Variants in ANKS1A observed in about 807,000 individuals in gnomAD.
ANKS1A encodes the protein ankyrin repeat and SAM domain-containing protein 1A.
ANKS1A carries 55 observed loss-of-function variants against 120.3 expected under a neutral mutation model. The ratio of observed to expected loss-of-function variants is 0.46; its 90% CI spans 0.37 to 0.57. The LOEUF is 0.57. ANKS1A is among the 20% of genes least tolerant of loss of function. The pLI is 0.00. For synonymous variants in ANKS1A, 590 were observed against 604.7 expected (o/e 0.98, Z 0.36); for missense variants, 1,123 against 1,480.3 (o/e 0.76, Z 3.96).
Position 35,089,955 on chromosome 6 carries a change from G to A in ANKS1A, c.*1346G>A. 8.6e-7 allele frequency: 1 copy of A among 1,166,852 alleles called. No homozygotes were observed. The highest frequency in any genetic ancestry group is 1.1e-6 in the Non-Finnish European group (1 of 929,472). The allele number at this position is 1,166,852 out of a possible 1,614,324, so 72.3% of individuals were successfully genotyped here. On this transcript the variant is annotated 3_prime_UTR_variant, in exon 24 of 24. Transcript: ENST00000360359. Reference sequence around the variant, plus strand: ...ACACTCCTCTTTCCCAGCCAGCAAAGGCTGTGAATTTGAATTCTTTGTTGG... The same window carrying A: ...ACACTCCTCTTTCCCAGCCAGCAAAAGCTGTGAATTTGAATTCTTTGTTGG...
At chr6:35,071,718 C>G (rs895576672) in intron 13 of ANKS1A, among the ~76,000 whole-genome samples, 1 of 152,260 alleles carries the variant, frequency 6.6e-6, no homozygotes, top group African/African-American at 2.4e-5. Flanking sequence ...CCAGTCAGAA[C>G]TTCTCTGCGG....
chr6:34,945,563 T>C (rs926937267), intron 1 of ANKS1A, among the ~76,000 whole-genome samples: 5 of 152,328 alleles, frequency 3.3e-5, no homozygotes, highest in East Asian at 3.9e-4. Context: ...CTTTCTGGGC[T>C]CTCTATTCTG....
chr6:35,029,638 C>T (rs796855516), intron 11 of ANKS1A, among the ~76,000 whole-genome samples: 9 of 151,520 alleles, frequency 5.9e-5, no homozygotes, highest in African/African-American at 2.2e-4. Flanking sequence ...GCGTGAGCCA[C>T]GGCGCCCAGT....
At chr6:34,914,168 G>A (rs1336479949) in intron 1 of ANKS1A, among the ~76,000 whole-genome samples, 1 of 129,342 alleles carries the variant, frequency 7.7e-6, no homozygotes. Context: ...TGATCTGCCC[G>A]CCTTGGCCTC....
chr6:34,957,974 G>T (rs1202063430), intron 1 of ANKS1A, among the ~76,000 whole-genome samples: 1 of 152,076 alleles, frequency 6.6e-6, no homozygotes, highest in Non-Finnish European at 1.5e-5. Context: ...GTCAAGTATG[G>T]GTACCATGCA....
chr6:35,021,176 C>A (rs1017085091), intron 11 of ANKS1A, among the ~76,000 whole-genome samples: 1 of 152,260 alleles, frequency 6.6e-6, no homozygotes, highest in Non-Finnish European at 1.5e-5. Context: ...TGCTCCCCAC[C>A]CTATCCCTGA....
intron 11 of ANKS1A, among the ~76,000 whole-genome samples, chr6:35,043,883 G>A (rs1162107344): frequency 6.6e-6 from 1 of 152,164 alleles, no homozygotes; most frequent in Admixed American, 6.5e-5. Context: ...GACCACTTGT[G>A]AAGCAATCTG....
intron 1 of ANKS1A, among the ~76,000 whole-genome samples, chr6:34,937,419 C>T (rs1225392750): frequency 1.3e-5 from 2 of 151,850 alleles, no homozygotes; most frequent in Non-Finnish European, 2.9e-5. Context: ...AAGACTGTTT[C>T]CTCATCTGGT....
chr6:35,096,377 G>A (rs1489650730), downstream of ANKS1A, among the ~76,000 whole-genome samples: 1 of 152,186 alleles, frequency 6.6e-6, no homozygotes. Flanking sequence ...TGAGTGCTCT[G>A]GTTTCTACAG....
intron 1 of ANKS1A, among the ~76,000 whole-genome samples, chr6:34,938,963 G>C (rs1769397934): frequency 6.6e-6 from 1 of 152,202 alleles, no homozygotes; most frequent in Non-Finnish European, 1.5e-5. Context: ...GCTCCAGCCT[G>C]GGCGACAGAG....
intron 1 of ANKS1A, among the ~76,000 whole-genome samples, chr6:34,924,090 CGTGTGTGTGTGTGTGTGT>C (rs71794086): frequency 3.5e-5 from 5 of 143,248 alleles, no homozygotes; most frequent in Admixed American, 7.0e-5. Flanking sequence ...GGGGCTTTTT[CGTGTGTGTGTGTGTGTGT>C]GTGTGTGTGT....
Position 34,981,960 on chromosome 6 carries a change from G to A in ANKS1A, c.706G>A (p.Asp236Asn), listed in dbSNP as rs745503614. 6 of 1,614,164 alleles carry A rather than the reference G, an allele frequency of 3.7e-6. No individual in the cohort carries two copies. Among genetic ancestry groups the A allele is most frequent in the African/African-American group, 1.3e-5 (1 of 75,056 alleles). The change falls in exon 4 of 24, where the codon GAT becomes AAT. Residue 236 changes from aspartate to asparagine, a missense_variant. Coordinates refer to ENST00000360359, the MANE Select transcript of ANKS1A (RefSeq NM_015245.3). ...CAAAGCCGTGGTCCAGGTCCTCCTC[G>A]ATGCTGGCATGGACAGCAACTACCA... ...GHKAVVQVLL[D>N]AGMDSNYQTE...
At chr6:34,914,143 G>A (rs530312180) in intron 1 of ANKS1A, among the ~76,000 whole-genome samples, 10 of 130,558 alleles carry the variant, frequency 7.7e-5, no homozygotes, top group Non-Finnish European at 1.4e-4. Flanking sequence ...GGATGGTCTC[G>A]ATCTCCTGAC....
rs974305876 is a variant in ANKS1A at position 34,889,321 on chromosome 6, G to A, written c.-82G>A. The A allele has an allele frequency of 4.9e-6, 6 of 1,226,668 alleles. No homozygotes were observed. The South Asian group carries it at 1.2e-4, about 24-fold the overall frequency. The allele number at this position is 1,226,668 out of a possible 1,614,324, so 76.0% of individuals were successfully genotyped here. A position where few individuals can be genotyped will look rare whatever the true frequency, so the allele number is the denominator to read the frequency against. ...CCCCAGCCGGTTTGGGGGGTGCGTT[G>A]CCCGGAGACGGAAAGTTTGGGAGCC... is the stretch of plus-strand genomic sequence containing the variant. On this transcript the variant is annotated 5_prime_UTR_variant, in exon 1 of 24. Transcript: ENST00000360359. The surrounding 1 kb of genome is among the most constrained non-coding windows in gnomAD (Gnocchi z 5.5).
intron 9 of ANKS1A, among the ~76,000 whole-genome samples, chr6:34,991,585 C>T (rs79812058): frequency 0.72 from 97,767 of 136,282 alleles, 35,521 homozygotes; most frequent in Non-Finnish European, 0.82. Context: ...CACACATATA[C>T]ACATATATAT....
At chr6:34,981,571 C>A in intron 3 of ANKS1A, 119 bp from the exon 4 acceptor site, 3 of 1,103,722 alleles carry the variant, frequency 2.7e-6, no homozygotes, top group East Asian at 2.5e-5. Context: ...TTTTATTAGC[C>A]CCCAAGTGTT....
intron 11 of ANKS1A, among the ~76,000 whole-genome samples, chr6:35,023,191 C>T (rs1880090): frequency 0.63 from 96,411 of 151,986 alleles, 34,044 homozygotes; most frequent in East Asian, 0.86. Context: ...CCCTTCTGAC[C>T]TAAGGCTCCT....
intron 13 of ANKS1A, among the ~76,000 whole-genome samples, chr6:35,075,454 C>T (rs1777300362): frequency 7.5e-6 from 1 of 133,414 alleles, no homozygotes; most frequent in Non-Finnish European, 1.5e-5. Flanking sequence ...CTCGTTCTGT[C>T]ACCCAGGCTG....
intron 1 of ANKS1A, among the ~76,000 whole-genome samples, chr6:34,895,178 T>C (rs1767008972): frequency 6.8e-6 from 1 of 147,902 alleles, no homozygotes; most frequent in Non-Finnish European, 1.5e-5. Flanking sequence ...CTTCCTAATA[T>C]TTATTTAAGG....
Sources: allele counts gnomAD v4.1 joint callset (sites outside exome capture counted in the v4.1 genomes callset), GRCh38; gene constraint gnomAD v4.1.1; non-coding constraint Gnocchi (gnomAD v3.1); transcripts MANE v1.5; gene names NCBI Gene and HGNC (gene_info 2026-07-23, HGNC 2026-07-21).